EMSY: variants seen among roughly 807,000 people sequenced by gnomAD.
EMSY encodes BRCA2-interacting transcriptional repressor EMSY.
EMSY carries 26 observed loss-of-function variants against 134.6 expected under a neutral mutation model. The observed-to-expected ratio is 0.19, with a 90% CI of 0.14 to 0.27. The LOEUF is 0.27. Among genes scored for constraint, EMSY ranks in the 10% least tolerant of loss-of-function variants. The pLI, the probability that EMSY is intolerant of heterozygous loss-of-function variation, is 1.00. For missense variants in EMSY, 1,305 were observed against 1,611.4 expected (o/e 0.81, Z 3.26); for synonymous variants, 579 against 577.8 (o/e 1.00, Z -0.03).
At chr11:76,525,766 C>T (rs980534462) in intron 12 of EMSY, among the ~76,000 whole-genome samples, 1 of 151,968 alleles carries the variant, frequency 6.6e-6, no homozygotes, top group African/African-American at 2.4e-5. Context: ...AGGAAGCACT[C>T]TGAGTTTTCC....
At chr11:76,495,765 A>G (rs1207175075) in intron 8 of EMSY, among the ~76,000 whole-genome samples, 1 of 152,180 alleles carries the variant, frequency 6.6e-6, no homozygotes, top group Admixed American at 6.5e-5. Flanking sequence ...TATTTCAAGG[A>G]TACTATGTTT....
At chr11:76,494,685 TCC>T (rs1949565504) in intron 8 of EMSY, among the ~76,000 whole-genome samples, 3 of 94,796 alleles carry the variant, frequency 3.2e-5, no homozygotes, top group African/African-American at 7.9e-5. Flanking sequence ...CTTCCTTCCT[TCC>T]TTCCTTCCTT....
At chr11:76,490,071 G>A (rs1292184175) in intron 8 of EMSY, among the ~76,000 whole-genome samples, 3 of 151,770 alleles carry the variant, frequency 2.0e-5, no homozygotes, top group Admixed American at 6.6e-5. Context: ...ATTAATTATC[G>A]GTAGGATTGA....
intron 7 of EMSY, 53 bp downstream of exon 8, chr11:76,464,133 AT>A (rs1948254156): frequency 6.3e-7 from 1 of 1,598,540 alleles, no homozygotes; most frequent in Non-Finnish European, 8.6e-7. Flanking sequence ...AGACAGTATG[AT>A]TCAGATTTAA....
chr11:76,546,028 G>A (rs2136823448), exon 20 of EMSY: 1 of 1,614,182 alleles, frequency 6.2e-7, no homozygotes, highest in Non-Finnish European at 8.5e-7. Context: ...TATGATAGTG[G>A]ATCCCCCAAA....
intron 18 of EMSY, 32 bp from the exon 20 acceptor site, chr11:76,544,227 T>A (rs1170204129): frequency 6.4e-6 from 10 of 1,553,710 alleles, no homozygotes; most frequent in Non-Finnish European, 8.8e-6. Context: ...GTTTTTCTTA[T>A]TTCATTCTTA....
chr11:76,521,028 AC>A (rs1393433980), intron 11 of EMSY, among the ~76,000 whole-genome samples: 1 of 152,170 alleles, frequency 6.6e-6, no homozygotes, highest in African/African-American at 2.4e-5. Flanking sequence ...ATGCTCAAAG[AC>A]CAATGTGGAA....
At chr11:76,503,020 C>T (rs910827544) in intron 9 of EMSY, among the ~76,000 whole-genome samples, 23 of 152,040 alleles carry the variant, frequency 1.5e-4, no homozygotes, top group African/African-American at 4.8e-4. Flanking sequence ...CAGGCAGGAG[C>T]CCCAGCATGG....
chr11:76,518,707 T>A (rs571090706), intron 11 of EMSY, among the ~76,000 whole-genome samples: 2,493 of 80,730 alleles, frequency 0.031, 28 homozygotes, highest in South Asian at 0.066. Context: ...ATATATATTT[T>A]TTTTTTAATT....
intron 2 of EMSY, among the ~76,000 whole-genome samples, chr11:76,447,693 G>T (rs112506395): frequency 6.6e-6 from 1 of 152,130 alleles, no homozygotes; most frequent in Non-Finnish European, 1.5e-5. Context: ...ACTTCGCCCT[G>T]TGCATCTAGA....
At chr11:76,520,197 G>A (rs1172851288) in intron 11 of EMSY, among the ~76,000 whole-genome samples, 1 of 151,878 alleles carries the variant, frequency 6.6e-6, no homozygotes, top group Non-Finnish European at 1.5e-5. Flanking sequence ...TGTTAGACTT[G>A]CTTTTCCTTA....
At chr11:76,509,346 A>G (rs1950191732) in intron 9 of EMSY, among the ~76,000 whole-genome samples, 1 of 152,048 alleles carries the variant, frequency 6.6e-6, no homozygotes, top group Admixed American at 6.6e-5. Context: ...TACAAAAATA[A>G]ACCAGGTGTG....
At chr11:76,526,752 A>C in intron 13 of EMSY, 117 bp downstream of exon 14, 1 of 1,054,808 alleles carries the variant, frequency 9.5e-7, no homozygotes, top group East Asian at 2.6e-5. Flanking sequence ...GATTGTTAAA[A>C]GTTATGTTTG....
chr11:76,466,537 A>T (rs942114024), intron 7 of EMSY, among the ~76,000 whole-genome samples: 1 of 152,086 alleles, frequency 6.6e-6, no homozygotes, highest in Non-Finnish European at 1.5e-5. Flanking sequence ...GAAGGACTGG[A>T]GGTAAATTCT....
At chr11:76,503,300 C>CAAAA (rs61098325) in intron 9 of EMSY, among the ~76,000 whole-genome samples, 306 of 69,390 alleles carry the variant, frequency 4.4e-3, no homozygotes, top group Middle Eastern at 0.019. Context: ...GGCGTGGTCT[C>CAAAA]AAAAAAAAAA....
Position 76,542,257 on chromosome 11 carries a change from C to CGG in EMSY, c.2600_2601dup (p.Thr868GlyfsTer20). 6.2e-7 allele frequency: 1 copy of CGG among 1,614,184 alleles called. No individual in the cohort carries two copies. Among genetic ancestry groups the CGG allele is most frequent in the Non-Finnish European group, 8.5e-7 (1 of 1,180,022 alleles). ...GCCCCAACAGCCTTCCCAGCCCCAG[C>CGG]GGACCCTGCTCCAGCATGTGGCTCA... On this transcript the variant is annotated frameshift_variant, in exon 18 of 21. Coordinates refer to ENST00000334736, the Ensembl canonical transcript of EMSY. LOFTEE classifies it high-confidence loss of function.
At chr11:76,461,961 G>C (rs965649389) in intron 6 of EMSY, among the ~76,000 whole-genome samples, 3 of 151,228 alleles carry the variant, frequency 2.0e-5, no homozygotes, top group African/African-American at 7.3e-5. Flanking sequence ...ACCAGGCCAG[G>C]CATGGTGGCT....
chr11:76,545,866 A>C (rs753817559), exon 20 of EMSY: 5 of 1,614,120 alleles, frequency 3.1e-6, no homozygotes, highest in Non-Finnish European at 4.2e-6. Context: ...CCAGCCTCCC[A>C]CAGTTACAAA....
intron 2 of EMSY, among the ~76,000 whole-genome samples, chr11:76,447,612 C>T (rs1371563083): frequency 6.6e-6 from 1 of 152,202 alleles, no homozygotes; most frequent in African/African-American, 2.4e-5. Context: ...CTTACAGCAG[C>T]CTTTCTCAAC....
Sources: allele counts gnomAD v4.1 joint callset (sites outside exome capture counted in the v4.1 genomes callset), GRCh38; gene constraint gnomAD v4.1.1; transcripts MANE v1.5; gene names NCBI Gene and HGNC (gene_info 2026-07-23, HGNC 2026-07-21).